Variants in UTS2B observed in about 807,000 individuals in gnomAD.
The protein encoded by UTS2B is urotensin 2B.
A neutral mutation model predicts 19.2 loss-of-function variants in UTS2B; 21 were observed. The ratio of observed to expected loss-of-function variants is 1.09; its 90% CI spans 0.78 to 1.58. The LOEUF (loss-of-function observed/expected upper bound fraction) is 1.58, where lower values mean the gene tolerates loss of function less well. Ranked by LOEUF, UTS2B falls within the 40% of genes most tolerant of loss-of-function variation. The pLI is 0.00. For synonymous variants in UTS2B, 57 were observed against 50.2 expected (o/e 1.14, Z -0.58); for missense variants, 138 against 130.3 (o/e 1.06, Z -0.29).
chr3:191,274,140 C>T (rs1373497446), intron 8 of UTS2B, among the ~76,000 whole-genome samples: 1 of 151,890 alleles, frequency 6.6e-6, no homozygotes, highest in African/African-American at 2.4e-5. Context: ...TCCTACCCTC[C>T]ACTTCATCTT....
chr3:191,271,325 G>A (rs372775094), intron 8 of UTS2B, among the ~76,000 whole-genome samples: 88 of 151,272 alleles, frequency 5.8e-4, no homozygotes, highest in African/African-American at 2.1e-3. Context: ...TTTCTCACAC[G>A]TAGTTACATT....
chr3:191,288,035 C>T (rs1030850059), intron 4 of UTS2B, among the ~76,000 whole-genome samples: 1 of 152,044 alleles, frequency 6.6e-6, no homozygotes, highest in Non-Finnish European at 1.5e-5. Context: ...ATGTCATTTG[C>T]AATGGATATC....
In UTS2B at chr3:191,329,946, G is replaced by A. The variant is rs796791217; in HGVS notation, c.-665+468C>T. Among the ~76,000 whole-genome samples the A allele has an allele frequency of 3.1e-3, 314 of 100,122 alleles. 3 individuals carry two copies. The highest frequency in any genetic ancestry group is 0.017 in the African/African-American group (276 of 16,660). The allele number at this position is 100,122 out of a possible 152,430, so 65.7% of individuals were successfully genotyped here. A position where few individuals can be genotyped will look rare whatever the true frequency, so the allele number is the denominator to read the frequency against. On this transcript the variant is annotated intron_variant, in intron 1 of 8. Transcript: ENST00000340524. ...GTTTTTTCTCAAGGGGGTGGTTGGG[G>A]GGGGGGGGGGCTAGCAGCAGCCCCA...
intron 2 of UTS2B, among the ~76,000 whole-genome samples, chr3:191,317,739 C>T (rs1487310980): frequency 6.6e-6 from 1 of 152,076 alleles, no homozygotes; most frequent in African/African-American, 2.4e-5. Flanking sequence ...CCACTACGCC[C>T]AACTAATTTT....
chr3:191,300,029 A>AT lies in UTS2B; in HGVS notation c.-125+4462dup, dbSNP rs113573807. On this transcript the variant is annotated intron_variant, in intron 4 of 8. Coordinates refer to ENST00000340524, the MANE Select transcript of UTS2B (RefSeq NM_198152.5). The stretch of plus-strand genomic sequence containing the variant: ...AGCCCCTTTCTTTTCTTTTTTTAAC[A>AT]TTTTTTTTTATATATACACATATAT... Among the ~76,000 whole-genome samples the AT allele has an allele frequency of 2.6e-3, 383 of 147,364 alleles. 2 individuals carry two copies. Among genetic ancestry groups the AT allele is most frequent in the Middle Eastern group, 7.4e-3 (2 of 270 alleles).
intron 2 of UTS2B, among the ~76,000 whole-genome samples, chr3:191,325,036 T>C (rs868193564): frequency 6.0e-5 from 9 of 150,040 alleles, no homozygotes; most frequent in Middle Eastern, 3.4e-3. Context: ...AGTGACACAG[T>C]GAGACTCCAT....
chr3:191,272,889 G>T (rs1477844230), intron 8 of UTS2B, among the ~76,000 whole-genome samples: 1 of 151,030 alleles, frequency 6.6e-6, no homozygotes, highest in Non-Finnish European at 1.5e-5. Context: ...AATGGGCAGG[G>T]CACAGTGCCT....
intron 4 of UTS2B, among the ~76,000 whole-genome samples, chr3:191,285,896 TAAAAAAG>T (rs757003967): frequency 1.5e-4 from 22 of 151,586 alleles, no homozygotes; most frequent in Admixed American, 7.2e-4. Flanking sequence ...AGACTCCATC[TAAAAAAG>T]AAAAAAGAAA....
upstream of UTS2B, among the ~76,000 whole-genome samples, chr3:191,332,395 A>G (rs1718020454): frequency 6.6e-6 from 1 of 152,240 alleles, no homozygotes; most frequent in African/African-American, 2.4e-5. Flanking sequence ...GGTGAAAAGA[A>G]TCAAGTCAAC....
At chr3:191,298,155 ACAT>A (rs1716904136) in intron 4 of UTS2B, among the ~76,000 whole-genome samples, 1 of 152,202 alleles carries the variant, frequency 6.6e-6, no homozygotes, top group Non-Finnish European at 1.5e-5. Context: ...AGATTCTTAT[ACAT>A]TTAACACCCA....
chr3:191,307,483 T>A (rs1218782699), intron 3 of UTS2B, among the ~76,000 whole-genome samples: 3 of 152,148 alleles, frequency 2.0e-5, no homozygotes, highest in Admixed American at 1.3e-4. Flanking sequence ...TACAACATCA[T>A]GTGTTTCTGT....
intron 4 of UTS2B, among the ~76,000 whole-genome samples, chr3:191,287,824 A>G (rs2631672): frequency 0.51 from 76,960 of 151,862 alleles, 21,205 homozygotes; most frequent in Middle Eastern, 0.63. Context: ...GAAAGGAAAG[A>G]CATCCATATA....
intron 8 of UTS2B, among the ~76,000 whole-genome samples, chr3:191,272,890 C>T (rs1716128596): frequency 6.7e-6 from 1 of 148,250 alleles, no homozygotes; most frequent in Non-Finnish European, 1.5e-5. Flanking sequence ...ATGGGCAGGG[C>T]ACAGTGCCTC....
chr3:191,322,800 A>C (rs1717644086), intron 2 of UTS2B, among the ~76,000 whole-genome samples: 3 of 152,242 alleles, frequency 2.0e-5, no homozygotes. Flanking sequence ...CAACCAAAGC[A>C]ATAATGACTG....
At chr3:191,291,698 C>T (rs1198504281) in intron 4 of UTS2B, among the ~76,000 whole-genome samples, 1 of 152,168 alleles carries the variant, frequency 6.6e-6, no homozygotes. Context: ...GTGATCCACC[C>T]ACCTCAGCCT....
intron 7 of UTS2B, 90 bp from the exon 8 acceptor site, chr3:191,275,435 C>A: frequency 1.0e-6 from 1 of 982,080 alleles, no homozygotes; most frequent in Non-Finnish European, 1.6e-6. Context: ...AATCCCAGCA[C>A]TTCGGGAGGC....
At chr3:191,280,542 A>G (rs908483586) in intron 5 of UTS2B, among the ~76,000 whole-genome samples, 3 of 152,210 alleles carry the variant, frequency 2.0e-5, no homozygotes, top group African/African-American at 7.2e-5. Flanking sequence ...ATTTAGATAG[A>G]AAATAACCTT....
At chr3:191,275,494 C>G (rs1454929074) in intron 7 of UTS2B, 149 bp from the exon 8 acceptor site, 6 of 590,278 alleles carry the variant, frequency 1.0e-5, no homozygotes, top group Non-Finnish European at 1.5e-5. Flanking sequence ...TCCTGGCTAA[C>G]ACAGTGAAAC....
intron 8 of UTS2B, among the ~76,000 whole-genome samples, chr3:191,268,844 G>C (rs1455666014): frequency 1.3e-5 from 2 of 152,156 alleles, no homozygotes; most frequent in Non-Finnish European, 2.9e-5. Context: ...ATACCAAAAA[G>C]AAAGTCACAT....
Sources: gnomAD v4.1 joint callset for allele counts (sites outside exome capture counted in the v4.1 genomes callset) on GRCh38, gnomAD v4.1.1 for gene constraint, MANE v1.5 for transcripts, NCBI Gene and HGNC (gene_info 2026-07-23, HGNC 2026-07-21) for gene names.